Variants in CBLB observed in about 807,000 individuals in gnomAD.
CBLB encodes the protein E3 ubiquitin-protein ligase CBL-B.
CBLB carries 31 observed loss-of-function variants against 104.9 expected under a neutral mutation model. The observed-to-expected ratio is 0.30, with a 90% confidence interval of 0.22 to 0.40. The LOEUF (loss-of-function observed/expected upper bound fraction) is 0.40, where lower values mean the gene tolerates loss of function less well. Among genes scored for constraint, CBLB ranks in the 10% least tolerant of loss-of-function variants. The probability of loss-of-function intolerance (pLI) is 1.00; values close to 1 mark genes in which losing one functional copy is unlikely to be tolerated. For synonymous variants in CBLB, 440 were observed against 422.6 expected (o/e 1.04, Z -0.51); for missense variants, 1,062 against 1,214.6 (o/e 0.87, Z 1.87).
chr3:105,708,245 C>A (rs2152800884), intron 10 of CBLB, among the ~76,000 whole-genome samples: 1 of 152,156 alleles, frequency 6.6e-6, no homozygotes. Flanking sequence ...ACAATAATAA[C>A]AAACAAACAT....
At chr3:105,787,795 T>C (rs1401064426) in intron 3 of CBLB, among the ~76,000 whole-genome samples, 4 of 152,196 alleles carry the variant, frequency 2.6e-5, no homozygotes, top group Non-Finnish European at 5.9e-5. Context: ...TTCTTTACCA[T>C]CACAGGCATT....
chr3:105,796,086 A>T (rs1435750905), intron 3 of CBLB, among the ~76,000 whole-genome samples: 1 of 152,176 alleles, frequency 6.6e-6, no homozygotes, highest in African/African-American at 2.4e-5. Flanking sequence ...AATTAGAAAA[A>T]AATCTATTTT....
chr3:105,821,466 T>C (rs1245616929), intron 3 of CBLB, among the ~76,000 whole-genome samples: 1 of 152,146 alleles, frequency 6.6e-6, no homozygotes, highest in African/African-American at 2.4e-5. Context: ...AACCAGTCTA[T>C]ACAGTAAGTT....
chr3:105,807,959 A>G (rs1337348119), intron 3 of CBLB, among the ~76,000 whole-genome samples: 3 of 152,202 alleles, frequency 2.0e-5, no homozygotes, highest in Non-Finnish European at 2.9e-5. Context: ...TTACACTATC[A>G]TTGTGTAGGT....
intron 9 of CBLB, among the ~76,000 whole-genome samples, chr3:105,727,425 T>A (rs1244078300): frequency 2.6e-5 from 4 of 152,344 alleles, no homozygotes; most frequent in African/African-American, 9.6e-5. Flanking sequence ...TTGTTTAAGT[T>A]CCTTGTAGAT....
chr3:105,666,414 G>A (rs185792555), intron 18 of CBLB, among the ~76,000 whole-genome samples: 12 of 152,174 alleles, frequency 7.9e-5, no homozygotes, highest in South Asian at 2.1e-4. Flanking sequence ...CTGGCCACGC[G>A]CAGTGGCTCA....
At chr3:105,727,358 A>C (rs754888154) in intron 9 of CBLB, among the ~76,000 whole-genome samples, 1 of 152,078 alleles carries the variant, frequency 6.6e-6, no homozygotes, top group Admixed American at 6.5e-5. Flanking sequence ...TTCTTTTGAG[A>C]AGTGTTTGTT....
At chr3:105,737,392 T>TAC in intron 7 of CBLB, 134 bp from the exon 8 acceptor site, 1 of 501,054 alleles carries the variant, frequency 2.0e-6, no homozygotes, top group Non-Finnish European at 3.6e-6. Context: ...AATAACATAT[T>TAC]ACTTCAATGT....
intron 3 of CBLB, among the ~76,000 whole-genome samples, chr3:105,848,709 T>G (rs1239625629): frequency 6.6e-6 from 1 of 152,126 alleles, no homozygotes; most frequent in East Asian, 1.9e-4. Flanking sequence ...GAAGTAATAC[T>G]GATTAAGTCA....
At chr3:105,748,161 A>G (rs2076283435) in intron 5 of CBLB, among the ~76,000 whole-genome samples, 1 of 152,150 alleles carries the variant, frequency 6.6e-6, no homozygotes, top group African/African-American at 2.4e-5. Context: ...TTTTTTGTGT[A>G]CAAGAACATA....
At chr3:105,802,597 C>T (rs2083020131) in intron 3 of CBLB, among the ~76,000 whole-genome samples, 1 of 152,182 alleles carries the variant, frequency 6.6e-6, no homozygotes. Flanking sequence ...TATTCAAATC[C>T]TAAAAGCATC....
intron 9 of CBLB, among the ~76,000 whole-genome samples, chr3:105,723,388 T>C (rs1447664588): frequency 6.6e-6 from 1 of 152,174 alleles, no homozygotes; most frequent in African/African-American, 2.4e-5. Context: ...CTATTCTAAA[T>C]GACTCAGTAG....
chr3:105,768,764 GTAAT>G (rs1411770980), intron 4 of CBLB, among the ~76,000 whole-genome samples: 2 of 152,032 alleles, frequency 1.3e-5, no homozygotes, highest in Non-Finnish European at 2.9e-5. Context: ...AAAGTATAGA[GTAAT>G]TAACATAGAT....
intron 4 of CBLB, among the ~76,000 whole-genome samples, chr3:105,759,331 C>G (rs146034124): frequency 1.3e-5 from 2 of 152,264 alleles, no homozygotes; most frequent in Non-Finnish European, 2.9e-5. Flanking sequence ...AGTTTTCACT[C>G]CCACTGTGAA....
chr3:105,868,964 G>A lies in CBLB; in HGVS notation c.-243C>T, dbSNP rs149448638. ...CCCTCCCGCCCGACTCGGGGAGGCC[G>A]CGGGACGCCGCAGCAGCACTAGCAG... is the stretch of plus-strand genomic sequence containing the variant. On this transcript the variant is annotated 5_prime_UTR_variant, in exon 1 of 19. Transcript: ENST00000394030. 3,090 of 1,019,818 alleles carry A rather than the reference G, an allele frequency of 3.0e-3. 62 individuals carry two copies. In the African/African-American group the frequency reaches 0.049, roughly 16 times the overall value. 63.2% of individuals were successfully genotyped at this position (1,019,818 alleles called of 1,614,324 possible).
chr3:105,802,819 GA>G (rs1377321763), intron 3 of CBLB, among the ~76,000 whole-genome samples: 1 of 151,974 alleles, frequency 6.6e-6, no homozygotes, highest in Non-Finnish European at 1.5e-5. Context: ...TCATTTAATG[GA>G]AAAAATTGTA....
At chr3:105,749,441 T>C (rs1025259057) in intron 5 of CBLB, among the ~76,000 whole-genome samples, 1 of 152,228 alleles carries the variant, frequency 6.6e-6, no homozygotes, top group Non-Finnish European at 1.5e-5. Flanking sequence ...GGTTGACTTG[T>C]GCTGTTTTAA....
intron 12 of CBLB, among the ~76,000 whole-genome samples, chr3:105,697,189 G>A (rs2068498710): frequency 6.6e-6 from 1 of 151,926 alleles, no homozygotes; most frequent in Admixed American, 6.6e-5. Context: ...ATTAGGTAAT[G>A]AGGTTGAAGA....
chr3:105,865,945 G>A (rs1447869713), intron 2 of CBLB, among the ~76,000 whole-genome samples: 1 of 152,212 alleles, frequency 6.6e-6, no homozygotes, highest in Non-Finnish European at 1.5e-5. Flanking sequence ...AAGATAGGCA[G>A]CATTGTGCTT....
Sources: allele counts gnomAD v4.1 joint callset (sites outside exome capture counted in the v4.1 genomes callset), GRCh38; gene constraint gnomAD v4.1.1; transcripts MANE v1.5; gene names NCBI Gene and HGNC (gene_info 2026-07-23, HGNC 2026-07-21).